The following RASGEF1C variants were observed in gnomAD, a reference collection of about 807,000 sequenced individuals.
RASGEF1C encodes the protein RasGEF domain family member 1C, also known as ras-GEF domain-containing family member 1C.
In RASGEF1C, 27 loss-of-function variants were observed where a neutral mutation model predicts 58.1. That is an observed-to-expected ratio of 0.46 (90% CI 0.34 to 0.64). The LOEUF is 0.64. Ranked by LOEUF, RASGEF1C falls within the 30% of genes least tolerant of loss-of-function variation. The pLI is 0.01. For missense variants in RASGEF1C, 502 were observed against 605.1 expected, an observed-to-expected ratio of 0.83 and a Z score of 1.79; for synonymous variants, 243 against 246.3, an observed-to-expected ratio of 0.99 and a Z score of 0.13.
In RASGEF1C at chr5:180,101,653, T is replaced by C. The variant is rs534306473; in HGVS notation, c.1377-128A>G. The C allele has an allele frequency of 2.6e-4, 295 of 1,152,328 alleles. No individual in the cohort carries two copies. The African/African-American group carries it at 4.1e-3, about 16-fold the overall frequency. 71.4% of individuals were successfully genotyped at this position (1,152,328 alleles called of 1,614,324 possible). On this transcript the variant is annotated intron_variant, in intron 13 of 13. Coordinates refer to ENST00000361132, the MANE Select transcript of RASGEF1C (RefSeq NM_175062.4). ...AGCCTCCTGCCCCAGAGGGGTGTTC[T>C]GCAAATCCCTGGGGCTCAGCCCTCG...
chr5:180,136,419 G>T lies in RASGEF1C; in HGVS notation c.397C>A (p.His133Asn), dbSNP rs201700080. The change falls in exon 4 of 14, where the codon CAC (histidine) becomes AAC (asparagine). Residue 133 changes from histidine (H) to asparagine (N), a missense_variant. Transcript: ENST00000361132. ...RDFQEESTIG[H>N]LKDVVGRIAP... ...ATGCGGCCCACGACGTCCTTAAGGT[G>T]CCCGATAGTCGACTCTTCCTGGAAG... is the stretch of plus-strand genomic sequence containing the variant. 124 of 1,560,772 alleles carry T rather than the reference G, an allele frequency of 7.9e-5. 5 individuals carry two copies. Among genetic ancestry groups the T allele is most frequent in the East Asian group, 5.8e-4 (24 of 41,692 alleles).
intron 12 of RASGEF1C, among the ~76,000 whole-genome samples, chr5:180,109,331 G>A (rs1346182752): frequency 2.6e-5 from 4 of 152,114 alleles, no homozygotes; most frequent in African/African-American, 7.2e-5. Context: ...GGTGGTGGGT[G>A]CCTGTAGTCC....
At chr5:180,114,047 C>T (rs955102343) in intron 11 of RASGEF1C, among the ~76,000 whole-genome samples, 8 of 152,138 alleles carry the variant, frequency 5.3e-5, no homozygotes, top group East Asian at 1.9e-4. Flanking sequence ...ACTCTGGCCT[C>T]GGCCTGATAG....
intron 1 of RASGEF1C, among the ~76,000 whole-genome samples, chr5:180,205,879 T>C (rs1307144604): frequency 2.0e-5 from 3 of 152,100 alleles, no homozygotes; most frequent in African/African-American, 4.8e-5. Context: ...ATTACAGGCA[T>C]GTGCCACCAT....
At chr5:180,123,434 A>G (rs1328969596) in intron 6 of RASGEF1C, among the ~76,000 whole-genome samples, 2 of 152,226 alleles carry the variant, frequency 1.3e-5, no homozygotes, top group Admixed American at 6.5e-5. Flanking sequence ...ACTTGAGAAT[A>G]CGCATTCTTT....
chr5:180,136,165 T>C (rs1483445006), intron 4 of RASGEF1C, among the ~76,000 whole-genome samples: 2 of 152,208 alleles, frequency 1.3e-5, no homozygotes, highest in Admixed American at 1.3e-4. Context: ...TCTGATGCCA[T>C]TGGTGAGAGC....
chr5:180,116,101 A>C (rs531132438), intron 10 of RASGEF1C, among the ~76,000 whole-genome samples: 1 of 152,218 alleles, frequency 6.6e-6, no homozygotes, highest in African/African-American at 2.4e-5. Context: ...GGCGCGTCCC[A>C]TACGTGAGCA....
intron 10 of RASGEF1C, 115 bp downstream of exon 10, chr5:180,118,494 G>T: frequency 1.0e-6 from 1 of 971,586 alleles, no homozygotes; most frequent in Non-Finnish European, 1.5e-6. Context: ...CAAGCAAGGA[G>T]ACCTGGCTGT....
intron 1 of RASGEF1C, among the ~76,000 whole-genome samples, chr5:180,139,309 A>T (rs1561740935): frequency 6.6e-6 from 1 of 152,198 alleles, no homozygotes; most frequent in South Asian, 2.1e-4. Flanking sequence ...CTGCCAGCTC[A>T]CTGCAGGGTC....
Position 180,137,975 on chromosome 5 carries a change from G to A in RASGEF1C, c.78C>T (p.Gly26=), listed in dbSNP as rs745604898. The A allele has an allele frequency of 3.8e-6, 6 of 1,597,750 alleles. No homozygotes were observed. Among genetic ancestry groups the A allele is most frequent in the South Asian group, 2.2e-5 (2 of 88,968 alleles). The change falls in exon 2 of 14, where the codon GGC becomes GGT. Residue 26 remains glycine, a synonymous_variant. Coordinates refer to ENST00000361132, the MANE Select transcript of RASGEF1C (RefSeq NM_175062.4). This position sits in a 1 kb window ranked among gnomAD's most constrained non-coding sequence, Gnocchi z 4.1. ...LSPPPTEPTD[G]EQAGQPLLDG... ...CCAGGAGGGGCTGCCCAGCCTGTTC[G>A]CCATCTGTGGGCTCGGTGGGGGGTG... is the stretch of plus-strand genomic sequence containing the variant.
At chr5:180,125,672 C>T (rs1452367165) in intron 6 of RASGEF1C, among the ~76,000 whole-genome samples, 1 of 151,950 alleles carries the variant, frequency 6.6e-6, no homozygotes, top group Non-Finnish European at 1.5e-5. Flanking sequence ...ATCCCAGCTA[C>T]TCGGGAGGCT....
At chr5:180,180,467 A>G (rs78671224) in intron 1 of RASGEF1C, among the ~76,000 whole-genome samples, 10,314 of 152,334 alleles carry the variant, frequency 0.068, 485 homozygotes, top group East Asian at 0.21. Context: ...ACATGTGCAC[A>G]GTACTTAACA....
At chr5:180,182,120 G>T (rs1581124072) in intron 1 of RASGEF1C, among the ~76,000 whole-genome samples, 1 of 149,794 alleles carries the variant, frequency 6.7e-6, no homozygotes, top group African/African-American at 2.5e-5. Flanking sequence ...CAGGAGAATG[G>T]CGGGAACCCG....
At chr5:180,142,440 C>T (rs765514337) in intron 1 of RASGEF1C, among the ~76,000 whole-genome samples, 2 of 152,160 alleles carry the variant, frequency 1.3e-5, no homozygotes, top group Non-Finnish European at 2.9e-5. Context: ...CTATAGCGTC[C>T]TTTCATCCTA....
chr5:180,190,489 CAAAAA>C (rs869186264), intron 1 of RASGEF1C, among the ~76,000 whole-genome samples: 17 of 77,594 alleles, frequency 2.2e-4, no homozygotes, highest in African/African-American at 6.0e-4. Context: ...GACTCCGTCT[CAAAAA>C]AAAAAAAAAA....
chr5:180,125,674 C>T (rs929583527), intron 6 of RASGEF1C, among the ~76,000 whole-genome samples: 2 of 151,456 alleles, frequency 1.3e-5, no homozygotes, highest in Non-Finnish European at 2.9e-5. Context: ...CCCAGCTACT[C>T]GGGAGGCTGA....
intron 8 of RASGEF1C, 111 bp from the exon 9 acceptor site, chr5:180,118,977 G>GC: frequency 1.0e-6 from 1 of 987,204 alleles, no homozygotes; most frequent in Non-Finnish European, 1.6e-6. Flanking sequence ...GCAGGGCTCA[G>GC]CCTGTCACAT....
intron 1 of RASGEF1C, among the ~76,000 whole-genome samples, chr5:180,186,029 C>T (rs977046570): frequency 8.5e-5 from 12 of 141,682 alleles, no homozygotes; most frequent in African/African-American, 3.2e-4. Context: ...CCTGGGAGGT[C>T]GAGGTTGCAG....
At chr5:180,184,262 C>G (rs1755985970) in intron 1 of RASGEF1C, among the ~76,000 whole-genome samples, 1 of 151,990 alleles carries the variant, frequency 6.6e-6, no homozygotes, top group Non-Finnish European at 1.5e-5. Context: ...TGTAAATGTT[C>G]TAAACAATCC....
Sources: gnomAD v4.1 joint callset for allele counts (sites outside exome capture counted in the v4.1 genomes callset) on GRCh38, gnomAD v4.1.1 for gene constraint, Gnocchi (gnomAD v3.1) non-coding constraint, MANE v1.5 for transcripts, NCBI Gene and HGNC (gene_info 2026-07-23, HGNC 2026-07-21) for gene names.